Variants in TSNAXIP1 observed in about 807,000 individuals in gnomAD.
TSNAXIP1 encodes translin-associated factor X-interacting protein 1.
A neutral mutation model predicts 84.8 loss-of-function variants in TSNAXIP1; 89 were observed. The observed-to-expected ratio is 1.05, with a 90% CI of 0.88 to 1.25. The LOEUF is 1.25. Ranked by LOEUF, TSNAXIP1 falls within the 50% of genes most tolerant of loss-of-function variation. The pLI, the probability that TSNAXIP1 is intolerant of heterozygous loss-of-function variation, is 0.00. For synonymous variants in TSNAXIP1, 347 were observed against 335.2 expected (o/e 1.04, Z -0.39); for missense variants, 874 against 887.6 (o/e 0.98, Z 0.20).
intron 4 of TSNAXIP1, 118 bp downstream of exon 4, chr16:67,821,343 G>C: frequency 3.0e-6 from 4 of 1,316,686 alleles, no homozygotes; most frequent in Non-Finnish European, 4.1e-6. Context: ...GCCAAGGCGG[G>C]TGGACCACCT....
intron 4 of TSNAXIP1, among the ~76,000 whole-genome samples, chr16:67,822,400 C>T (rs1302434726): frequency 6.6e-6 from 1 of 152,130 alleles, no homozygotes; most frequent in Admixed American, 6.6e-5. Flanking sequence ...GTGCCCAGTC[C>T]CTGCAGCTCT....
chr16:67,823,054 G>C (rs1343841643), intron 4 of TSNAXIP1, among the ~76,000 whole-genome samples: 2 of 152,208 alleles, frequency 1.3e-5, no homozygotes, highest in African/African-American at 2.4e-5. Flanking sequence ...GAGCCAGAGA[G>C]GGGCTCAGGC....
chr16:67,821,072 C>T (rs777139790), intron 3 of TSNAXIP1, 27 bp from the exon 4 acceptor site: 5 of 1,612,636 alleles, frequency 3.1e-6, no homozygotes, highest in Non-Finnish European at 4.2e-6. Flanking sequence ...GGGGTGCTGG[C>T]CACATATCAG....
At chr16:67,807,330 A>G (rs1226635087) in intron 1 of TSNAXIP1, 134 bp downstream of exon 1, 1 of 1,533,942 alleles carries the variant, frequency 6.5e-7, no homozygotes, top group Non-Finnish European at 8.7e-7. Context: ...CCACAGAGTC[A>G]ATGGTTAGAA....
intron 4 of TSNAXIP1, 99 bp downstream of exon 4, chr16:67,821,324 C>T: frequency 6.8e-7 from 1 of 1,469,090 alleles, no homozygotes; most frequent in Non-Finnish European, 9.1e-7. Flanking sequence ...AATCTCAGCA[C>T]TTTGGGAGGC....
intron 1 of TSNAXIP1, among the ~76,000 whole-genome samples, chr16:67,812,426 G>A (rs1161175124): frequency 6.6e-6 from 1 of 152,018 alleles, no homozygotes; most frequent in African/African-American, 2.4e-5. Context: ...CCAGCACTTT[G>A]GAAGGCTGAG....
intron 7 of TSNAXIP1, 155 bp downstream of exon 7, chr16:67,825,427 T>A: frequency 8.3e-7 from 1 of 1,211,292 alleles, no homozygotes; most frequent in South Asian, 1.5e-5. Flanking sequence ...GGGCTGTGTA[T>A]CTTCTGAGTT....
chr16:67,820,147 G>A (rs1391645450), intron 2 of TSNAXIP1, among the ~76,000 whole-genome samples: 4 of 150,126 alleles, frequency 2.7e-5, no homozygotes, highest in East Asian at 2.0e-4. Flanking sequence ...TAGTAGAGAC[G>A]GGGTTTCACC....
chr16:67,818,101 C>T (rs962841450), intron 2 of TSNAXIP1, among the ~76,000 whole-genome samples: 2 of 151,764 alleles, frequency 1.3e-5, no homozygotes, highest in African/African-American at 2.4e-5. Flanking sequence ...TCCGGCTACT[C>T]GGGAGGCTGA....
chr16:67,808,744 CAAAAAAAGAAAAAAGA>C (rs2055736972), intron 1 of TSNAXIP1, among the ~76,000 whole-genome samples: 2 of 145,494 alleles, frequency 1.4e-5, no homozygotes, highest in Admixed American at 7.0e-5. Flanking sequence ...GACTCCGTCT[CAAAAAAAGAAAAAAGA>C]AAAAAAAGGA....
intron 2 of TSNAXIP1, among the ~76,000 whole-genome samples, chr16:67,817,294 C>T (rs1308406357): frequency 6.6e-6 from 1 of 151,154 alleles, no homozygotes; most frequent in Non-Finnish European, 1.5e-5. Flanking sequence ...GGACTACAGG[C>T]GCCCGCCACC....
At chr16:67,807,223 A>C (rs1157048434) in intron 1 of TSNAXIP1, 27 bp downstream of exon 1, 1 of 1,535,832 alleles carries the variant, frequency 6.5e-7, no homozygotes, top group African/African-American at 1.4e-5. Flanking sequence ...ATGAGGGCAG[A>C]GATGAGGGTT....
At chr16:67,817,996 G>A (rs2056730574) in intron 2 of TSNAXIP1, among the ~76,000 whole-genome samples, 1 of 151,852 alleles carries the variant, frequency 6.6e-6, no homozygotes, top group African/African-American at 2.4e-5. Flanking sequence ...AGATCACTAG[G>A]TCAGGAGTTC....
chr16:67,811,592 C>A (rs2056090767), intron 1 of TSNAXIP1, among the ~76,000 whole-genome samples: 1 of 151,824 alleles, frequency 6.6e-6, no homozygotes, highest in African/African-American at 2.4e-5. Context: ...CAGGTGCCCG[C>A]CACCACACCC....
At position 67,825,793 on chromosome 16, in the gene TSNAXIP1, A is replaced by G; in HGVS notation, c.941A>G (p.Asp314Gly). Reference protein sequence around the residue: ...ANFGDVVPRRDFEMQEKTNKD... With the variant: ...ANFGDVVPRRGFEMQEKTNKD... ...TTTGGAGATGTGGTCCCCAGGAGGG[A>G]CTTTGAAATGCAGGAGAAGACCAAC... The change falls in exon 8 of 16, where the codon GAC becomes GGC. Residue 314 changes from aspartate (D) to glycine (G), a missense_variant. Asp to Gly is a moderately conservative substitution (Grantham distance 94, BLOSUM62 -1). Transcript: ENST00000561639. The G allele has an allele frequency of 6.2e-7, 1 of 1,614,132 alleles. No homozygotes were observed. The highest frequency in any genetic ancestry group is 8.5e-7 in the Non-Finnish European group (1 of 1,180,022).
At chr16:67,823,754 A>C in intron 5 of TSNAXIP1, 35 bp downstream of exon 5, 29 of 1,579,354 alleles carry the variant, frequency 1.8e-5, no homozygotes, top group Non-Finnish European at 2.4e-5. Flanking sequence ...GTAGTGGCTC[A>C]CGCCTGTAAT....
At position 67,824,583 on chromosome 16, in the gene TSNAXIP1, C is replaced by T. The variant is rs772087592; in HGVS notation, c.482C>T (p.Ala161Val). The change falls in exon 6 of 16, where the codon GCC becomes GTC. Residue 161 changes from alanine (A) to valine (V), a missense_variant and splice_region_variant. By Grantham distance (64) the Ala-to-Val change is moderately conservative (BLOSUM62 0). Transcript: ENST00000561639. ...SIKNAYEGML[A>V]HQREKIRALE... ...AGCTCTCCCACCTGTCTCTGCTTAG[C>T]CCACCAAAGGGAGAAGATTCGGGCT... 3.1e-6 allele frequency: 5 copies of T among 1,613,392 alleles called. No homozygotes were observed. The highest frequency in any genetic ancestry group is 4.2e-6 in the Non-Finnish European group (5 of 1,179,754).
At position 67,827,525 on chromosome 16, in the gene TSNAXIP1, T is replaced by C. The variant is rs775684542; in HGVS notation, c.1844T>C (p.Met615Thr). The C allele has an allele frequency of 1.2e-6, 2 of 1,614,030 alleles. No homozygotes were observed. The highest frequency in any genetic ancestry group is 1.3e-5 in the African/African-American group (1 of 74,910). The change falls in exon 15 of 16, where the codon ATG (methionine) becomes ACG (threonine). Residue 615 changes from methionine (M) to threonine (T), a missense_variant. Met to Thr is a moderately conservative substitution (Grantham distance 81). Coordinates refer to ENST00000561639, the MANE Select transcript of TSNAXIP1 (RefSeq NM_001288990.3). ...GTGCAAAAACTCTGGGAACAATACATGGATGAGAAGGACGAGTACTTACAG... is the reference window on the plus strand; with the variant it reads ...GTGCAAAAACTCTGGGAACAATACACGGATGAGAAGGACGAGTACTTACAG... ...PFVQKLWEQY[M>T]DEKDEYLQQL...
At position 67,826,858 on chromosome 16, in the gene TSNAXIP1, TATTC is replaced by T; in HGVS notation, c.1554+15_1554+18del. 6.2e-7 allele frequency: 1 copy of T among 1,612,838 alleles called. No homozygotes were observed. The highest frequency in any genetic ancestry group is 1.1e-5 in the South Asian group (1 of 91,022). The stretch of plus-strand genomic sequence containing the variant: ...TTGATGGGAAAGGTGAGCTGGGGCC[TATTC>T]CCCTTGGGGAGACTGAGAGGGGTCT... On this transcript the variant is annotated intron_variant, in intron 12 of 15. Coordinates refer to ENST00000561639, the MANE Select transcript of TSNAXIP1 (RefSeq NM_001288990.3).
Sources: gnomAD v4.1 joint callset for allele counts (sites outside exome capture counted in the v4.1 genomes callset) on GRCh38, gnomAD v4.1.1 for gene constraint, MANE v1.5 for transcripts, NCBI Gene and HGNC (gene_info 2026-07-23, HGNC 2026-07-21) for gene names.